The following ITSN2 variants were observed in gnomAD, a reference collection of about 807,000 sequenced individuals.
ITSN2 encodes intersectin 2, also known as intersectin-2.
ITSN2 carries 156 observed loss-of-function variants against 243.7 expected under a neutral mutation model. The ratio of observed to expected loss-of-function variants is 0.64; its 90% CI spans 0.56 to 0.73. ITSN2 has a LOEUF of 0.73. ITSN2 is among the 30% of genes least tolerant of loss of function. The probability of loss-of-function intolerance (pLI) is 0.00; values close to 1 mark genes in which losing one functional copy is unlikely to be tolerated. For synonymous variants in ITSN2, 703 were observed against 699.9 expected (o/e 1.00, Z -0.07); for missense variants, 1,801 against 1,996.1 (o/e 0.90, Z 1.86).
chr2:24,269,395 G>A (rs1212285453), intron 20 of ITSN2, among the ~76,000 whole-genome samples: 2 of 152,154 alleles, frequency 1.3e-5, no homozygotes, highest in East Asian at 1.9e-4. Flanking sequence ...CTTAGGAAAT[G>A]ACACCATCAT....
chr2:24,270,859 A>T lies in ITSN2; in HGVS notation c.2258-91T>A, dbSNP rs186236431. On this transcript the variant is annotated intron_variant, in intron 19 of 39. Coordinates refer to ENST00000355123, the MANE Select transcript of ITSN2 (RefSeq NM_006277.3). ...AGAGCTCTAAAACCTAAAAGAAAAA[A>T]TCAAGCACCAAATACTACAATGAAA... is the stretch of plus-strand genomic sequence containing the variant. The T allele has an allele frequency of 2.4e-5, 16 of 677,500 alleles. No homozygotes were observed. The Admixed American group carries it at 4.4e-4, about 19-fold the overall frequency. The allele number at this position is 677,500 out of a possible 1,614,324, so 42.0% of individuals were successfully genotyped here.
In ITSN2 at chr2:24,245,992, T is replaced by C; in HGVS notation, c.3577+137A>G. ...TGACCTTGTAAAAAGTTTCCTTTTG[T>C]TTCTTCTCACTTTAAACACTAATCT... On this transcript the variant is annotated intron_variant, in intron 29 of 39. Transcript: ENST00000355123. 6 of 551,810 alleles carry C rather than the reference T, an allele frequency of 1.1e-5. No homozygotes were observed. The South Asian group carries it at 2.1e-4, about 19-fold the overall frequency. The allele number at this position is 551,810 out of a possible 1,614,324, so 34.2% of individuals were successfully genotyped here. A position where few individuals can be genotyped will look rare whatever the true frequency, so the allele number is the denominator to read the frequency against.
chr2:24,235,281 CA>C (rs1672027655), intron 29 of ITSN2, among the ~76,000 whole-genome samples: 1 of 149,114 alleles, frequency 6.7e-6, no homozygotes, highest in South Asian at 2.2e-4. Context: ...CTGGGAAGGG[CA>C]AAACTATGGA....
At chr2:24,323,890 T>C (rs1203817462) in intron 2 of ITSN2, among the ~76,000 whole-genome samples, 1 of 152,204 alleles carries the variant, frequency 6.6e-6, no homozygotes, top group African/African-American at 2.4e-5. Flanking sequence ...GCTCTTTAGT[T>C]AGAAACCTTA....
rs867795326 is a variant in ITSN2, at chr2:24,301,986, T to G, written c.974A>C (p.Glu325Ala). 2 of 1,610,892 alleles carry G rather than the reference T, an allele frequency of 1.2e-6. No homozygotes were observed. Among genetic ancestry groups the G allele is most frequent in the African/African-American group, 1.3e-5 (1 of 74,786 alleles). Residue 325 changes from glutamate to alanine, a missense_variant, in exon 10 of 40, where the codon GAG (glutamate) becomes GCG (alanine). Transcript: ENST00000355123. ...TCACCTGAAAGATGGAGGAACAAGC[T>G]CAGGAGGTAAAGTCAGTGGTAATGG... ...GQPLPLTLPP[E>A]LVPPSFRGGK...
At chr2:24,301,363 A>T (rs1681709058) in intron 10 of ITSN2, 124 bp from the exon 11 acceptor site, 1 of 517,338 alleles carries the variant, frequency 1.9e-6, no homozygotes, top group Non-Finnish European at 3.5e-6. Flanking sequence ...TATTTAAAAC[A>T]GTTTGGTATG....
intron 23 of ITSN2, among the ~76,000 whole-genome samples, chr2:24,255,879 G>A (rs962500459): frequency 2.6e-5 from 4 of 152,104 alleles, no homozygotes; most frequent in East Asian, 3.9e-4. Context: ...GAGAAACCCC[G>A]TCTCTGCTAA....
At chr2:24,333,794 A>G (rs1199573881) in intron 1 of ITSN2, among the ~76,000 whole-genome samples, 8 of 152,354 alleles carry the variant, frequency 5.3e-5, no homozygotes, top group Non-Finnish European at 2.9e-5. Flanking sequence ...ATGCTAGAAC[A>G]AAAGCAGGAA....
rs141986024 is a variant in ITSN2, at chr2:24,294,630, CAAGT to C, written c.1636-859_1636-856del. On this transcript the variant is annotated intron_variant, in intron 14 of 39. Coordinates refer to ENST00000355123, the MANE Select transcript of ITSN2 (RefSeq NM_006277.3). Reference sequence around the variant, plus strand: ...AATTATTGAACCAGACCCTACTGCACAAGTAAGGAAGAGAATTACCAGGACCCCA... The same window carrying C: ...AATTATTGAACCAGACCCTACTGCACAAGGAAGAGAATTACCAGGACCCCA... 3.7e-4 allele frequency among the ~76,000 whole-genome samples: 57 copies of C among 152,146 alleles called. No individual in the cohort carries two copies. The East Asian group carries it at 7.5e-3, about 20-fold the overall frequency.
At chr2:24,243,925 A>G (rs1673038097) in intron 29 of ITSN2, among the ~76,000 whole-genome samples, 1 of 152,228 alleles carries the variant, frequency 6.6e-6, no homozygotes, top group Admixed American at 6.5e-5. Flanking sequence ...ATCAAAAGTG[A>G]CTAGTGGCCG....
intron 1 of ITSN2, among the ~76,000 whole-genome samples, chr2:24,348,020 G>A (rs1035589829): frequency 2.0e-5 from 3 of 151,866 alleles, no homozygotes; most frequent in African/African-American, 7.3e-5. Context: ...AGATTACAGT[G>A]AGCTATGAAC....
intron 20 of ITSN2, among the ~76,000 whole-genome samples, chr2:24,269,203 CTCA>C (rs763954695): frequency 9.4e-4 from 143 of 152,178 alleles, no homozygotes; most frequent in Non-Finnish European, 1.8e-3. Context: ...CTCCATTACT[CTCA>C]TGTCTTCCAA....
chr2:24,258,918 G>A (rs1041211873), intron 22 of ITSN2, among the ~76,000 whole-genome samples: 4 of 152,148 alleles, frequency 2.6e-5, no homozygotes, highest in African/African-American at 4.8e-5. Context: ...TGACTCTCTG[G>A]TGATTGATGG....
In ITSN2 at chr2:24,271,975, C is replaced by A. The variant is rs191648399; in HGVS notation, c.2082-34G>T. On this transcript the variant is annotated intron_variant, in intron 18 of 39. Coordinates refer to ENST00000355123, the MANE Select transcript of ITSN2 (RefSeq NM_006277.3). ...AAAAGAAAAAGAGTTTGTATAATGT[C>A]CTAGAAATTTTTTACACTAAATAAA... 8.5e-6 allele frequency: 12 copies of A among 1,406,418 alleles called. No homozygotes were observed. The Admixed American group carries it at 1.1e-4, about 13-fold the overall frequency. The allele number at this position is 1,406,418 out of a possible 1,614,324, so 87.1% of individuals were successfully genotyped here.
At chr2:24,322,880 T>TC (rs573158586) in intron 2 of ITSN2, among the ~76,000 whole-genome samples, 16 of 141,908 alleles carry the variant, frequency 1.1e-4, no homozygotes, top group Middle Eastern at 7.0e-3. Flanking sequence ...TAGAAAATAA[T>TC]CCCCCCCCTC....
At position 24,203,590 on chromosome 2, in the gene ITSN2, T is replaced by C. The variant is rs758549864; in HGVS notation, c.*36A>G. 3 of 1,595,624 alleles carry C rather than the reference T, an allele frequency of 1.9e-6. No homozygotes were observed. Among genetic ancestry groups the C allele is most frequent in the Admixed American group, 1.7e-5 (1 of 57,608 alleles). On this transcript the variant is annotated 3_prime_UTR_variant, in exon 40 of 40. Transcript: ENST00000355123. Reference sequence around the variant, plus strand: ...GTCTCTCATTCTCCAGCCCCAGCCTTGTGGGCTGTCCCGCTGGTGCTGTCC... The same window carrying C: ...GTCTCTCATTCTCCAGCCCCAGCCTCGTGGGCTGTCCCGCTGGTGCTGTCC...
chr2:24,203,677 CTCCCCGG>C lies in ITSN2; in HGVS notation c.5036_5042del (p.Thr1679ArgfsTer70), dbSNP rs1336476819. 1 of 1,614,052 alleles carries C rather than the reference CTCCCCGG, an allele frequency of 6.2e-7. No individual in the cohort carries two copies. The highest frequency in any genetic ancestry group is 8.5e-7 in the Non-Finnish European group (1 of 1,180,042). On this transcript the variant is annotated frameshift_variant, in exon 40 of 40. Transcript: ENST00000355123. LOFTEE classifies it high-confidence loss of function. ...GCTGCAGGTCAAAACGGACCCAGAC[CTCCCCGG>C]TGGGGACCTCATGCAGCAGCAGTCG...
In ITSN2 at chr2:24,304,768, GAGA is replaced by G. The variant is rs78486620; in HGVS notation, c.794-909_794-907del. 1.2e-3 allele frequency among the ~76,000 whole-genome samples: 185 copies of G among 152,292 alleles called. 4 individuals carry two copies. The highest frequency in any genetic ancestry group is 0.012 in the East Asian group (61 of 5,176). On this transcript the variant is annotated intron_variant, in intron 8 of 39. Transcript: ENST00000355123. ...ATCAGGCAATAGAGCAAACAGAAGA[GAGA>G]AGGAGGAGGAATGTAAATGGTTAAA...
intron 1 of ITSN2, among the ~76,000 whole-genome samples, chr2:24,334,226 T>A (rs1686098126): frequency 6.6e-6 from 1 of 152,128 alleles, no homozygotes; most frequent in South Asian, 2.1e-4. Context: ...GCCCAGCTAA[T>A]TTTTGTATTA....
Sources: gnomAD v4.1 joint callset for allele counts (sites outside exome capture counted in the v4.1 genomes callset) on GRCh38, gnomAD v4.1.1 for gene constraint, MANE v1.5 for transcripts, NCBI Gene and HGNC (gene_info 2026-07-23, HGNC 2026-07-21) for gene names.